NLGN1: variants seen among roughly 807,000 people sequenced by gnomAD.
NLGN1 encodes neuroligin 1.
In NLGN1, 12 loss-of-function variants were observed where a neutral mutation model predicts 65.5. The observed-to-expected ratio is 0.18, with a 90% CI of 0.12 to 0.30. NLGN1 has a LOEUF of 0.30. NLGN1 is among the 10% of genes least tolerant of loss of function. NLGN1 has a pLI of 1.00. For synonymous variants in NLGN1, 350 were observed against 359.5 expected, an observed-to-expected ratio of 0.97 and a Z score of 0.30; for missense variants, 750 against 1,007.1, an observed-to-expected ratio of 0.74 and a Z score of 3.46.
At chr3:174,249,499 G>A (rs1302509991) in intron 4 of NLGN1, among the ~76,000 whole-genome samples, 1 of 152,206 alleles carries the variant, frequency 6.6e-6, no homozygotes, top group African/African-American at 2.4e-5. Context: ...TGCATGATAA[G>A]TGAATATGGT....
intron 4 of NLGN1, among the ~76,000 whole-genome samples, chr3:173,963,756 A>G (rs905414292): frequency 2.0e-5 from 3 of 152,212 alleles, no homozygotes; most frequent in African/African-American, 2.4e-5. Context: ...AAGCAATACA[A>G]AGTTCAAAAG....
At chr3:174,029,988 G>A (rs958794231) in intron 4 of NLGN1, among the ~76,000 whole-genome samples, 4 of 152,268 alleles carry the variant, frequency 2.6e-5, no homozygotes, top group South Asian at 4.1e-4. Context: ...TTAGCAGTGG[G>A]AGAACAGATT....
intron 3 of NLGN1, among the ~76,000 whole-genome samples, chr3:173,714,024 G>C (rs1183622562): frequency 1.3e-5 from 2 of 152,032 alleles, no homozygotes; most frequent in Admixed American, 1.3e-4. Flanking sequence ...TAAGAAAGAG[G>C]AAAAATAAAT....
intron 4 of NLGN1, among the ~76,000 whole-genome samples, chr3:173,940,807 C>T (rs1388476): frequency 0.25 from 37,369 of 152,058 alleles, 5,071 homozygotes; most frequent in East Asian, 0.34. Flanking sequence ...TGAATATCTA[C>T]GTGCATTTGC....
intron 4 of NLGN1, among the ~76,000 whole-genome samples, chr3:173,906,766 A>G (rs1184390739): frequency 6.6e-6 from 1 of 151,286 alleles, no homozygotes; most frequent in African/African-American, 2.4e-5. Flanking sequence ...CAGGAGGATC[A>G]CTTGAGCCTG....
rs951067053 is a variant in NLGN1, at chr3:174,133,927, T to C, written c.647-141388T>C. The stretch of plus-strand genomic sequence containing the variant: ...ACACACACACACACACACACACACA[T>C]ATTTTTTACTTGAGCCTTTTTAAGA... On this transcript the variant is annotated intron_variant, in intron 4 of 6. Transcript: ENST00000457714. 1.2e-3 allele frequency among the ~76,000 whole-genome samples: 48 copies of C among 39,956 alleles called. 1 individual carries two copies. The highest frequency in any genetic ancestry group is 0.032 in the Middle Eastern group (2 of 62). The allele number at this position is 39,956 out of a possible 152,430, so 26.2% of individuals were successfully genotyped here.
intron 3 of NLGN1, among the ~76,000 whole-genome samples, chr3:173,649,090 T>C (rs906552701): frequency 6.6e-6 from 1 of 152,294 alleles, no homozygotes; most frequent in Admixed American, 6.5e-5. Flanking sequence ...GAATTAACTA[T>C]TGAATATTAA....
At chr3:173,451,760 C>T (rs1033109945) in intron 2 of NLGN1, among the ~76,000 whole-genome samples, 6 of 152,208 alleles carry the variant, frequency 3.9e-5, no homozygotes, top group African/African-American at 9.6e-5. Flanking sequence ...TGGGTAATGG[C>T]GGGTGCCCCT....
intron 3 of NLGN1, among the ~76,000 whole-genome samples, chr3:173,685,341 G>A (rs1764532888): frequency 6.6e-6 from 1 of 152,094 alleles, no homozygotes; most frequent in South Asian, 2.1e-4. Flanking sequence ...ATATTCCCAG[G>A]TTTTATGAGC....
intron 2 of NLGN1, among the ~76,000 whole-genome samples, chr3:173,483,825 T>C (rs73038169): frequency 0.17 from 25,552 of 152,106 alleles, 2,233 homozygotes; most frequent in Middle Eastern, 0.27. Context: ...AAGCATCACA[T>C]GTCACTCCTC....
rs115462602 is a variant in NLGN1, at chr3:173,897,408, C to T, written c.646+89576C>T. 6.2e-3 allele frequency among the ~76,000 whole-genome samples: 943 copies of T among 152,252 alleles called. 10 individuals are homozygous for T. Among genetic ancestry groups the T allele is most frequent in the African/African-American group, 0.021 (880 of 41,554 alleles). On this transcript the variant is annotated intron_variant, in intron 4 of 6. Transcript: ENST00000457714. ...CATATTGCTATTGCCTTGTTTAGTT[C>T]CTATAAATATATCATTCAACAAACA...
chr3:174,163,799 T>C (rs1194224516), intron 4 of NLGN1, among the ~76,000 whole-genome samples: 1 of 152,126 alleles, frequency 6.6e-6, no homozygotes, highest in Non-Finnish European at 1.5e-5. Context: ...TTCCATGGCA[T>C]ATATGTACCA....
intron 4 of NLGN1, among the ~76,000 whole-genome samples, chr3:174,123,036 A>G (rs1468953419): frequency 6.6e-6 from 1 of 152,118 alleles, no homozygotes; most frequent in Non-Finnish European, 1.5e-5. Flanking sequence ...TGGAACCACC[A>G]AGAAGAGGAT....
At position 173,587,130 on chromosome 3, in the gene NLGN1, CAT is replaced by C. The variant is rs779110712; in HGVS notation, c.-320-17148_-320-17147del. ...ATTCCAAAACCATTAAATCAGTAGTCATTGCATGTGCCATAGTGTTAAAATGG... is the reference window on the plus strand; with the variant it reads ...ATTCCAAAACCATTAAATCAGTAGTCTGCATGTGCCATAGTGTTAAAATGG... On this transcript the variant is annotated intron_variant, in intron 2 of 6. Transcript: ENST00000457714. Among the ~76,000 whole-genome samples, 52 of 152,136 alleles carry C rather than the reference CAT, an allele frequency of 3.4e-4. 1 individual carries two copies. The highest frequency in any genetic ancestry group is 5.9e-4 in the Admixed American group (9 of 15,276).
intron 3 of NLGN1, among the ~76,000 whole-genome samples, chr3:173,677,499 G>A (rs554457858): frequency 6.6e-6 from 1 of 152,058 alleles, no homozygotes; most frequent in African/African-American, 2.4e-5. Flanking sequence ...ATTGAGGAGA[G>A]AAATAGATTT....
At chr3:173,575,680 A>G (rs933593216) in intron 2 of NLGN1, among the ~76,000 whole-genome samples, 1 of 152,154 alleles carries the variant, frequency 6.6e-6, no homozygotes, top group African/African-American at 2.4e-5. Context: ...ATTTCTTTCT[A>G]TTATTGCTGG....
chr3:173,656,603 C>T (rs1316371453), intron 3 of NLGN1, among the ~76,000 whole-genome samples: 1 of 152,062 alleles, frequency 6.6e-6, no homozygotes, highest in Non-Finnish European at 1.5e-5. Flanking sequence ...GTTGCCTTCT[C>T]CTCTGGTGAC....
intron 4 of NLGN1, among the ~76,000 whole-genome samples, chr3:173,962,042 GTCT>G (rs1186334303): frequency 1.3e-5 from 2 of 152,054 alleles, no homozygotes; most frequent in Admixed American, 6.6e-5. Flanking sequence ...GTTTTGAAAA[GTCT>G]TCTTTTTACT....
At chr3:173,442,741 C>A (rs626337) in intron 2 of NLGN1, among the ~76,000 whole-genome samples, 90,223 of 151,910 alleles carry the variant, frequency 0.59, 29,215 homozygotes, top group East Asian at 0.91. Flanking sequence ...ATAATAAATA[C>A]CATGGCAGAC....
Sources: gnomAD v4.1 joint callset for allele counts (sites outside exome capture counted in the v4.1 genomes callset) on GRCh38, gnomAD v4.1.1 for gene constraint, MANE v1.5 for transcripts, NCBI Gene and HGNC (gene_info 2026-07-23, HGNC 2026-07-21) for gene names.